GNPTAB: variants seen among roughly 807,000 people sequenced by gnomAD.
GNPTAB encodes N-acetylglucosamine-1-phosphotransferase subunits alpha/beta.
Under a neutral mutation model 136.6 loss-of-function variants are expected in GNPTAB, and 92 were observed. The ratio of observed to expected loss-of-function variants is 0.67; its 90% CI spans 0.57 to 0.80. GNPTAB has a LOEUF of 0.80. GNPTAB is among the 30% of genes least tolerant of loss of function. The probability of loss-of-function intolerance (pLI) is 0.00; values close to 1 mark genes in which losing one functional copy is unlikely to be tolerated. For missense variants in GNPTAB, 1,343 were observed against 1,501.8 expected, an observed-to-expected ratio of 0.89 and a Z score of 1.75; for synonymous variants, 512 against 535.1, an observed-to-expected ratio of 0.96 and a Z score of 0.60.
chr12:101,806,757 T>G (rs1009292784), intron 1 of GNPTAB, among the ~76,000 whole-genome samples: 1 of 151,982 alleles, frequency 6.6e-6, no homozygotes, highest in African/African-American at 2.4e-5. Context: ...TAGGGCTATA[T>G]CTATAAAAAA....
intron 1 of GNPTAB, among the ~76,000 whole-genome samples, chr12:101,807,494 C>T (rs1869988001): frequency 6.6e-6 from 1 of 150,870 alleles, no homozygotes. Flanking sequence ...TGAAATAAAA[C>T]TATCTTGGTT....
At chr12:101,757,044 C>A in intron 18 of GNPTAB, 168 bp downstream of exon 18, 2 of 577,312 alleles carry the variant, frequency 3.5e-6, no homozygotes, top group Non-Finnish European at 3.0e-6. Context: ...CATGGGGGAC[C>A]CTATCTCAAC....
intron 1 of GNPTAB, among the ~76,000 whole-genome samples, chr12:101,809,166 TA>T: frequency 6.6e-6 from 1 of 152,096 alleles, no homozygotes. Flanking sequence ...ATACAGATGG[TA>T]AACAAGTATA....
chr12:101,822,362 C>A (rs150985641), intron 1 of GNPTAB, among the ~76,000 whole-genome samples: 1 of 152,200 alleles, frequency 6.6e-6, no homozygotes, highest in African/African-American at 2.4e-5. Context: ...TGCAGTGAGC[C>A]GAGATCGCGC....
At chr12:101,749,897 G>A (rs1366411516) in intron 19 of GNPTAB, among the ~76,000 whole-genome samples, 1 of 152,210 alleles carries the variant, frequency 6.6e-6, no homozygotes, top group Non-Finnish European at 1.5e-5. Flanking sequence ...CCACACCGTG[G>A]GGTCTGGACA....
At position 101,786,113 on chromosome 12, in the gene GNPTAB, A is replaced by G. The variant is rs537398252; in HGVS notation, c.470T>C (p.Leu157Pro). Residue 157 changes from leucine (L) to proline (P), a missense_variant, in exon 5 of 21, where the codon CTT becomes CCT. Physicochemically the swap from Leu to Pro is moderately conservative, Grantham distance 98. Transcript: ENST00000299314. ...ANITLKDLPS[L>P]YPSFHSASDI... ...ACTGGCAGAATGAAAAGAAGGATAA[A>G]GAGATGGCAGGTCCTTCAGGGTGAT... 6.2e-7 allele frequency: 1 copy of G among 1,614,118 alleles called. No individual in the cohort carries two copies. Among genetic ancestry groups the G allele is most frequent in the East Asian group, 2.2e-5 (1 of 44,874 alleles).
chr12:101,763,239 A>G (rs1052179615), intron 13 of GNPTAB, among the ~76,000 whole-genome samples: 11 of 72,958 alleles, frequency 1.5e-4, no homozygotes, highest in Non-Finnish European at 3.3e-4. Context: ...AAAAAAAAAG[A>G]AAGGAAAGGA....
chr12:101,820,336 A>T (rs1319173321), intron 1 of GNPTAB, among the ~76,000 whole-genome samples: 1 of 152,174 alleles, frequency 6.6e-6, no homozygotes, highest in East Asian at 1.9e-4. Flanking sequence ...CACATAATGG[A>T]ACATAAGGAC....
intron 1 of GNPTAB, among the ~76,000 whole-genome samples, chr12:101,806,259 C>T (rs1249602618): frequency 6.6e-6 from 1 of 152,026 alleles, no homozygotes; most frequent in East Asian, 1.9e-4. Context: ...TTTTCTTTCC[C>T]CATGTAAACA....
intron 20 of GNPTAB, among the ~76,000 whole-genome samples, chr12:101,748,645 C>T (rs1307398801): frequency 6.6e-6 from 1 of 152,010 alleles, no homozygotes; most frequent in Non-Finnish European, 1.5e-5. Flanking sequence ...GAACTCCTAG[C>T]GATTGAAAGA....
At position 101,770,037 on chromosome 12, in the gene GNPTAB, T is replaced by A; in HGVS notation, c.1268A>T (p.His423Leu). 6.2e-7 allele frequency: 1 copy of A among 1,613,908 alleles called. No homozygotes were observed. Among genetic ancestry groups the A allele is most frequent in the Non-Finnish European group, 8.5e-7 (1 of 1,179,992 alleles). Residue 423 changes from histidine (H) to leucine (L), a missense_variant, in exon 10 of 21, where the codon CAC (histidine) becomes CTC (leucine). By Grantham distance (99) the His-to-Leu change is moderately conservative (BLOSUM62 -3). Coordinates refer to ENST00000299314, the MANE Select transcript of GNPTAB (RefSeq NM_024312.5). ...GGCACTCACCTTCTGGCCTTTGGAG[T>A]GACTGTAAAAATCATCTGGCCAGAC... ...KDVWPDDFYS[H>L]SKGQKVYLTW...
chr12:101,804,080 A>T (rs963122894), intron 1 of GNPTAB, among the ~76,000 whole-genome samples: 5 of 152,052 alleles, frequency 3.3e-5, no homozygotes, highest in Non-Finnish European at 5.9e-5. Flanking sequence ...TAAAAAAAAA[A>T]AATTTTTAAA....
At chr12:101,806,600 G>A (rs1036343179) in intron 1 of GNPTAB, among the ~76,000 whole-genome samples, 15 of 152,078 alleles carry the variant, frequency 9.9e-5, no homozygotes, top group Admixed American at 8.5e-4. Context: ...TAAAAGAAAA[G>A]TAAATCACTA....
Position 101,765,026 on chromosome 12 carries a change from C to A in GNPTAB, c.1891G>T (p.Val631Leu). Residue 631 changes from valine to leucine, a missense_variant, in exon 13 of 21, where the codon GTG becomes TTG. Val to Leu is a conservative substitution (Grantham distance 32). Transcript: ENST00000299314. ...NDEEFKMQIT[V>L]EVDTREGPKL... ...GGTCCCTCCCTTGTGTCCACCTCCA[C>A]TGTTATCTGCATTTTGAACTCTTCA... The A allele has an allele frequency of 6.2e-7, 1 of 1,614,216 alleles. No homozygotes were observed. The highest frequency in any genetic ancestry group is 8.5e-7 in the Non-Finnish European group (1 of 1,180,038).
At chr12:101,780,722 C>T (rs1442916580) in intron 5 of GNPTAB, 101 bp from the exon 6 acceptor site, 4 of 831,650 alleles carry the variant, frequency 4.8e-6, no homozygotes, top group Non-Finnish European at 8.2e-6. Context: ...ATTAAAGCAG[C>T]ATAATATATG....
intron 1 of GNPTAB, among the ~76,000 whole-genome samples, chr12:101,826,954 T>G (rs1176034496): frequency 7.8e-6 from 1 of 128,290 alleles, no homozygotes. Flanking sequence ...GGAGTTGTTT[T>G]TTTTTTTTTT....
intron 2 of GNPTAB, among the ~76,000 whole-genome samples, chr12:101,790,994 A>T (rs566311730): frequency 6.6e-6 from 1 of 152,300 alleles, no homozygotes; most frequent in South Asian, 2.1e-4. Context: ...AAGAAAGCAG[A>T]AAACTTTCAT....
intron 1 of GNPTAB, among the ~76,000 whole-genome samples, chr12:101,829,376 T>A (rs1871255521): frequency 6.6e-6 from 1 of 152,034 alleles, no homozygotes. Flanking sequence ...TCCCAGCTAC[T>A]CAGGAGGCTG....
intron 1 of GNPTAB, among the ~76,000 whole-genome samples, chr12:101,822,845 AG>A (rs1358528460): frequency 6.6e-6 from 1 of 152,234 alleles, no homozygotes; most frequent in Non-Finnish European, 1.5e-5. Flanking sequence ...TAAAGAATAA[AG>A]GGATTGGCTA....
Sources: allele counts gnomAD v4.1 joint callset (sites outside exome capture counted in the v4.1 genomes callset), GRCh38; gene constraint gnomAD v4.1.1; transcripts MANE v1.5; gene names NCBI Gene and HGNC (gene_info 2026-07-23, HGNC 2026-07-21).